AUTS2: variants seen among roughly 807,000 people sequenced by gnomAD.
The protein encoded by AUTS2 is autism susceptibility gene 2 protein.
In AUTS2, 17 loss-of-function variants were observed where a neutral mutation model predicts 112.4. That is an observed-to-expected ratio of 0.15 (90% CI 0.10 to 0.23). The LOEUF (loss-of-function observed/expected upper bound fraction) is 0.23, where lower values mean the gene tolerates loss of function less well. AUTS2 is among the 10% of genes least tolerant of loss of function. The pLI, the probability that AUTS2 is intolerant of heterozygous loss-of-function variation, is 1.00. For missense variants in AUTS2, 1,510 were observed against 1,701.6 expected, an observed-to-expected ratio of 0.89 and a Z score of 1.98; for synonymous variants, 751 against 702.7, an observed-to-expected ratio of 1.07 and a Z score of -1.09.
At chr7:69,628,319 T>C (rs1794060892) in intron 1 of AUTS2, among the ~76,000 whole-genome samples, 1 of 152,192 alleles carries the variant, frequency 6.6e-6, no homozygotes, top group Non-Finnish European at 1.5e-5. Context: ...ATATCTTAAA[T>C]TCTTAAGTTA....
intron 1 of AUTS2, among the ~76,000 whole-genome samples, chr7:69,801,894 T>C (rs1258773998): frequency 6.6e-6 from 1 of 152,116 alleles, no homozygotes; most frequent in African/African-American, 2.4e-5. Flanking sequence ...AATGATGTGA[T>C]GTGTGCTGTT....
chr7:69,795,542 T>C (rs796538785), intron 1 of AUTS2, among the ~76,000 whole-genome samples: 5 of 152,164 alleles, frequency 3.3e-5, no homozygotes, highest in African/African-American at 1.2e-4. Context: ...TGCAACTTCA[T>C]GAAAAATAAA....
chr7:69,769,322 G>A (rs192685388), intron 1 of AUTS2, among the ~76,000 whole-genome samples: 1 of 152,304 alleles, frequency 6.6e-6, no homozygotes, highest in East Asian at 1.9e-4. Flanking sequence ...TTCTTAGTGT[G>A]TACACAGTGT....
At chr7:70,438,829 C>T (rs140390220) in intron 5 of AUTS2, among the ~76,000 whole-genome samples, 70 of 152,252 alleles carry the variant, frequency 4.6e-4, no homozygotes, top group African/African-American at 1.6e-3. Context: ...CACTCAGTGT[C>T]CTGGGATACC....
intron 4 of AUTS2, among the ~76,000 whole-genome samples, chr7:70,402,928 G>A (rs1794386418): frequency 6.6e-6 from 1 of 152,110 alleles, no homozygotes; most frequent in Non-Finnish European, 1.5e-5. Context: ...AGACACTGCT[G>A]TTTTCCTTTG....
rs368695827 is a variant in AUTS2 at position 70,372,999 on chromosome 7, A to G, written c.661-62753A>G. ...TGCTCAAGTTCACACCAGAGCAACC[A>G]GCTCCATCCATCTTTCTCAGTTTAC... On this transcript the variant is annotated intron_variant, in intron 4 of 18. Transcript: ENST00000342771. Among the ~76,000 whole-genome samples the G allele has an allele frequency of 2.0e-5, 3 of 152,308 alleles. No homozygotes were observed. In the East Asian group the frequency reaches 5.8e-4, roughly 29 times the overall value.
intron 2 of AUTS2, among the ~76,000 whole-genome samples, chr7:69,947,595 A>G (rs1796865748): frequency 6.6e-6 from 1 of 152,286 alleles, no homozygotes; most frequent in Admixed American, 6.5e-5. Context: ...ACAAGGCCCA[A>G]TTGTTGTTAC....
chr7:70,094,920 G>C (rs571195964), intron 2 of AUTS2, among the ~76,000 whole-genome samples: 1 of 152,256 alleles, frequency 6.6e-6, no homozygotes, highest in South Asian at 2.1e-4. Flanking sequence ...CTTCTCCCCT[G>C]GTTGCAGTTA....
At chr7:70,675,956 T>A (rs559591283) in intron 5 of AUTS2, among the ~76,000 whole-genome samples, 139 of 152,224 alleles carry the variant, frequency 9.1e-4, no homozygotes, top group African/African-American at 3.3e-3. Flanking sequence ...TGGGGACCGC[T>A]CCATGGGGCA....
At chr7:70,120,759 A>G (rs1805640516) in intron 3 of AUTS2, among the ~76,000 whole-genome samples, 1 of 152,230 alleles carries the variant, frequency 6.6e-6, no homozygotes, top group African/African-American at 2.4e-5. Context: ...AGTATTATTA[A>G]GATGTCAGTA....
chr7:70,780,904 C>G (rs1791026036), intron 14 of AUTS2, among the ~76,000 whole-genome samples: 2 of 152,178 alleles, frequency 1.3e-5, no homozygotes, highest in African/African-American at 4.8e-5. Context: ...TTAATTTATA[C>G]AGCAGATTGT....
intron 2 of AUTS2, among the ~76,000 whole-genome samples, chr7:69,971,877 A>C (rs1039247618): frequency 6.6e-6 from 1 of 152,188 alleles, no homozygotes; most frequent in Admixed American, 6.5e-5. Flanking sequence ...TCCTAGAAGT[A>C]CTATGAACAT....
At chr7:69,783,315 G>A (rs1211812832) in intron 1 of AUTS2, among the ~76,000 whole-genome samples, 1 of 151,954 alleles carries the variant, frequency 6.6e-6, no homozygotes, top group Non-Finnish European at 1.5e-5. Context: ...GAGGAAACAG[G>A]CCCACGATGA....
intron 5 of AUTS2, among the ~76,000 whole-genome samples, chr7:70,588,709 TC>T (rs906498811): frequency 1.9e-4 from 29 of 152,328 alleles, no homozygotes; most frequent in African/African-American, 5.5e-4. Flanking sequence ...TTTTAAACTT[TC>T]ATTTTTCATA....
chr7:70,734,215 G>A (rs187204933), intron 6 of AUTS2, among the ~76,000 whole-genome samples: 616 of 151,986 alleles, frequency 4.1e-3, no homozygotes, highest in Admixed American at 8.8e-3. Context: ...CGAGGCGGGC[G>A]GATCACGAGG....
At chr7:70,261,977 A>T (rs1462636100) in intron 4 of AUTS2, among the ~76,000 whole-genome samples, 1 of 152,148 alleles carries the variant, frequency 6.6e-6, no homozygotes, top group Non-Finnish European at 1.5e-5. Context: ...TTTGATTTTC[A>T]TGCTATTAAT....
chr7:70,033,126 C>G (rs1800854849), intron 2 of AUTS2, among the ~76,000 whole-genome samples: 1 of 151,932 alleles, frequency 6.6e-6, no homozygotes, highest in Non-Finnish European at 1.5e-5. Flanking sequence ...AATAGTTGCA[C>G]AACTATCTGA....
At chr7:70,443,081 A>G (rs1387804913) in intron 5 of AUTS2, among the ~76,000 whole-genome samples, 1 of 152,254 alleles carries the variant, frequency 6.6e-6, no homozygotes, top group African/African-American at 2.4e-5. Flanking sequence ...ATGTATGTAC[A>G]ATAATCTGTT....
chr7:70,656,800 G>A (rs1393343656), intron 5 of AUTS2, among the ~76,000 whole-genome samples: 1 of 152,146 alleles, frequency 6.6e-6, no homozygotes, highest in African/African-American at 2.4e-5. Flanking sequence ...CATGTTACCT[G>A]TTCATTTCAA....
Sources: gnomAD v4.1 joint callset for allele counts (sites outside exome capture counted in the v4.1 genomes callset) on GRCh38, gnomAD v4.1.1 for gene constraint, MANE v1.5 for transcripts, NCBI Gene and HGNC (gene_info 2026-07-23, HGNC 2026-07-21) for gene names.